The following GRIK2 variants were observed in gnomAD, a reference collection of about 807,000 sequenced individuals.
GRIK2 encodes the protein glutamate ionotropic receptor kainate type subunit 2, also known as glutamate receptor ionotropic, kainate 2.
Under a neutral mutation model 100.3 loss-of-function variants are expected in GRIK2, and 32 were observed. The observed-to-expected ratio is 0.32, with a 90% CI of 0.24 to 0.43. The LOEUF (loss-of-function observed/expected upper bound fraction) is 0.43. GRIK2 is among the 20% of genes least tolerant of loss of function. The pLI is 1.00. For missense variants in GRIK2, 843 were observed against 1,114.9 expected, an observed-to-expected ratio of 0.76 and a Z score of 3.47; for synonymous variants, 417 against 389.4, an observed-to-expected ratio of 1.07 and a Z score of -0.83.
intron 2 of GRIK2, among the ~76,000 whole-genome samples, chr6:101,458,170 A>ATT (rs1418407883): frequency 6.6e-6 from 1 of 151,626 alleles, no homozygotes; most frequent in Non-Finnish European, 1.5e-5. Flanking sequence ...TATTATATAT[A>ATT]TTTTTTCCTT....
chr6:101,431,664 T>C (rs1176670096), intron 2 of GRIK2: 3 of 152,242 alleles, frequency 2.0e-5, no homozygotes, highest in African/African-American at 7.2e-5. Context: ...AGTTAACTTA[T>C]GGTATTACAT....
At chr6:101,520,892 T>C (rs1774850276) in intron 2 of GRIK2, among the ~76,000 whole-genome samples, 1 of 152,126 alleles carries the variant, frequency 6.6e-6, no homozygotes, top group Admixed American at 6.6e-5. Flanking sequence ...ATGGAAAATA[T>C]ATTCAACTCA....
intron 16 of GRIK2, among the ~76,000 whole-genome samples, chr6:102,064,261 C>T (rs1012660046): frequency 1.3e-5 from 2 of 149,820 alleles, no homozygotes; most frequent in African/African-American, 2.4e-5. Context: ...TCCTCCTTCT[C>T]CTCCCTCTCC....
At chr6:101,398,580 G>C (rs1216450644) in intron 1 of GRIK2, among the ~76,000 whole-genome samples, 2 of 152,166 alleles carry the variant, frequency 1.3e-5, no homozygotes, top group African/African-American at 4.8e-5. Context: ...AACTGACTTT[G>C]ATTTAGCTAG....
intron 2 of GRIK2, among the ~76,000 whole-genome samples, chr6:101,506,371 AAT>A (rs1166165908): frequency 1.3e-5 from 2 of 152,162 alleles, no homozygotes; most frequent in Non-Finnish European, 2.9e-5. Context: ...TTAATCCTTT[AAT>A]ATAATATTGA....
intron 14 of GRIK2, among the ~76,000 whole-genome samples, chr6:101,950,745 A>G (rs1462609773): frequency 2.0e-5 from 3 of 151,954 alleles, no homozygotes; most frequent in Non-Finnish European, 4.4e-5. Flanking sequence ...TGTAGCCTCT[A>G]AATTAGCACA....
chr6:101,476,648 A>G (rs143956287), intron 2 of GRIK2, among the ~76,000 whole-genome samples: 4 of 152,280 alleles, frequency 2.6e-5, no homozygotes, highest in East Asian at 1.9e-4. Flanking sequence ...AATTTTACCT[A>G]TATGATAATT....
intron 15 of GRIK2, among the ~76,000 whole-genome samples, chr6:102,051,962 A>T (rs890282006): frequency 6.6e-6 from 1 of 152,194 alleles, no homozygotes; most frequent in African/African-American, 2.4e-5. Context: ...GCCAACATAC[A>T]GATTCATGTG....
intron 2 of GRIK2, among the ~76,000 whole-genome samples, chr6:101,493,285 A>G (rs1418881480): frequency 6.6e-6 from 1 of 151,956 alleles, no homozygotes; most frequent in Non-Finnish European, 1.5e-5. Flanking sequence ...AAATCTAACA[A>G]AAAAGAAATT....
intron 7 of GRIK2, among the ~76,000 whole-genome samples, chr6:101,696,610 C>T (rs573963600): frequency 1.8e-4 from 28 of 151,936 alleles, no homozygotes; most frequent in Non-Finnish European, 3.4e-4. Context: ...TTGTATTTGA[C>T]ATCTAATATA....
At chr6:101,836,956 G>C (rs1340918017) in intron 10 of GRIK2, among the ~76,000 whole-genome samples, 2 of 151,946 alleles carry the variant, frequency 1.3e-5, no homozygotes, top group Non-Finnish European at 2.9e-5. Context: ...GAGCCACCAT[G>C]CCTGGCCTGT....
chr6:101,984,655 A>ACACACACACACACACCCC (rs369665252), intron 14 of GRIK2, among the ~76,000 whole-genome samples: 1 of 148,640 alleles, frequency 6.7e-6, no homozygotes, highest in African/African-American at 2.5e-5. Context: ...ACACACACAC[A>ACACACACACACACACCCC]CCCTTCAACT....
chr6:101,572,267 T>C (rs1204411210), intron 2 of GRIK2, among the ~76,000 whole-genome samples: 1 of 152,116 alleles, frequency 6.6e-6, no homozygotes, highest in East Asian at 1.9e-4. Context: ...ATGTTCTCCT[T>C]GGTGCTTAAC....
intron 4 of GRIK2, among the ~76,000 whole-genome samples, chr6:101,663,899 C>T (rs1411175743): frequency 6.6e-6 from 1 of 152,174 alleles, no homozygotes; most frequent in African/African-American, 2.4e-5. Context: ...CTACTCCCAC[C>T]AAATCACACC....
At chr6:101,623,817 T>C (rs144200414) in intron 3 of GRIK2, among the ~76,000 whole-genome samples, 127 of 152,286 alleles carry the variant, frequency 8.3e-4, no homozygotes, top group African/African-American at 2.8e-3. Flanking sequence ...TAACTGTCTT[T>C]GTGAATGTCA....
At chr6:101,796,393 A>G (rs774245098) in intron 7 of GRIK2, among the ~76,000 whole-genome samples, 3 of 152,228 alleles carry the variant, frequency 2.0e-5, no homozygotes, top group Non-Finnish European at 2.9e-5. Flanking sequence ...TTGTGAGAAT[A>G]AGAGAAACCA....
At chr6:101,664,378 G>C (rs1769856754) in intron 4 of GRIK2, among the ~76,000 whole-genome samples, 1 of 152,208 alleles carries the variant, frequency 6.6e-6, no homozygotes, top group South Asian at 2.1e-4. Flanking sequence ...TCTTATATCA[G>C]TCGCTAATGT....
chr6:101,702,022 A>G (rs1236381765), intron 7 of GRIK2, among the ~76,000 whole-genome samples: 1 of 151,730 alleles, frequency 6.6e-6, no homozygotes, highest in Non-Finnish European at 1.5e-5. Context: ...GGAGGCTACT[A>G]TCATGTTTCT....
rs544736516 is a variant in GRIK2 at position 101,984,488 on chromosome 6, A to G, written c.2086-50853A>G. Among the ~76,000 whole-genome samples the G allele has an allele frequency of 6.6e-5, 10 of 151,768 alleles. No homozygotes were observed. The South Asian group carries it at 1.9e-3, about 28-fold the overall frequency. ...TATTTATACTTGCTGGACACAACTG[A>G]ACATCTAAGATTCCTTCCAGCTCTG... On this transcript the variant is annotated intron_variant, in intron 14 of 16. Transcript: ENST00000369134.
Sources: allele counts gnomAD v4.1 joint callset (sites outside exome capture counted in the v4.1 genomes callset), GRCh38; gene constraint gnomAD v4.1.1; transcripts MANE v1.5; gene names NCBI Gene and HGNC (gene_info 2026-07-23, HGNC 2026-07-21).